The following NKAIN2 variants were observed in gnomAD, a reference collection of about 807,000 sequenced individuals.
The protein encoded by NKAIN2 is sodium/potassium-transporting ATPase subunit beta-1-interacting protein 2.
In NKAIN2, 14 loss-of-function variants were observed where a neutral mutation model predicts 32.6. The observed-to-expected ratio is 0.43, with a 90% CI of 0.28 to 0.67. The LOEUF (loss-of-function observed/expected upper bound fraction) is 0.67. Among genes scored for constraint, NKAIN2 ranks in the 30% least tolerant of loss-of-function variants. The pLI, the probability that NKAIN2 is intolerant of heterozygous loss-of-function variation, is 0.17. For missense variants in NKAIN2, 198 were observed against 258.3 expected, an observed-to-expected ratio of 0.77 and a Z score of 1.60; for synonymous variants, 80 against 87.2, an observed-to-expected ratio of 0.92 and a Z score of 0.46.
At chr6:124,392,462 A>G (rs763333011) in intron 3 of NKAIN2, among the ~76,000 whole-genome samples, 7 of 152,138 alleles carry the variant, frequency 4.6e-5, no homozygotes, top group Non-Finnish European at 8.8e-5. Flanking sequence ...ATCATAAGCA[A>G]AGCAGAGATT....
At chr6:124,517,321 A>C (rs1269214752) in intron 3 of NKAIN2, among the ~76,000 whole-genome samples, 1 of 152,132 alleles carries the variant, frequency 6.6e-6, no homozygotes, top group African/African-American at 2.4e-5. Context: ...AGGGCAGAAG[A>C]ATAGTTTAAT....
At chr6:124,145,986 C>CA (rs887737760) in intron 1 of NKAIN2, among the ~76,000 whole-genome samples, 5 of 151,984 alleles carry the variant, frequency 3.3e-5, no homozygotes, top group African/African-American at 9.7e-5. Context: ...TAATTGTGTG[C>CA]AAATACACAT....
chr6:124,178,177 G>A (rs956748836), intron 1 of NKAIN2, among the ~76,000 whole-genome samples: 2 of 151,972 alleles, frequency 1.3e-5, no homozygotes, highest in African/African-American at 2.4e-5. Context: ...CAAATTTTCT[G>A]GTACTTTTAT....
chr6:123,944,772 G>A (rs1028025601), intron 1 of NKAIN2, among the ~76,000 whole-genome samples: 2 of 151,866 alleles, frequency 1.3e-5, no homozygotes, highest in African/African-American at 4.8e-5. Context: ...TTTTTATTCA[G>A]TAGCAACTTC....
intron 3 of NKAIN2, among the ~76,000 whole-genome samples, chr6:124,544,868 G>A (rs574370104): frequency 7.8e-4 from 119 of 152,144 alleles, no homozygotes; most frequent in Middle Eastern, 3.4e-3. Context: ...GAACTTCCCC[G>A]GAAAATTTTT....
intron 4 of NKAIN2, among the ~76,000 whole-genome samples, chr6:124,710,150 A>T (rs529259752): frequency 6.0e-5 from 9 of 151,244 alleles, no homozygotes; most frequent in East Asian, 5.8e-4. Context: ...TTTGAGTGAG[A>T]TTCTTAATCC....
At chr6:124,613,327 G>A (rs1042922862) in intron 3 of NKAIN2, among the ~76,000 whole-genome samples, 3 of 151,996 alleles carry the variant, frequency 2.0e-5, no homozygotes, top group African/African-American at 7.2e-5. Flanking sequence ...GCTACCTTCC[G>A]ACCATAATCT....
chr6:124,771,433 C>T (rs1304769079), intron 4 of NKAIN2, among the ~76,000 whole-genome samples: 1 of 151,910 alleles, frequency 6.6e-6, no homozygotes, highest in Non-Finnish European at 1.5e-5. Context: ...ATTGAAGCTA[C>T]CTGAAAATAG....
At chr6:124,793,177 G>A (rs2114811727) in intron 5 of NKAIN2, among the ~76,000 whole-genome samples, 1 of 152,176 alleles carries the variant, frequency 6.6e-6, no homozygotes, top group Non-Finnish European at 1.5e-5. Flanking sequence ...GGAAAAAGAG[G>A]AGACTGTTAG....
At chr6:124,437,967 GC>G (rs1775531489) in intron 3 of NKAIN2, 1 of 415,556 alleles carries the variant, frequency 2.4e-6, no homozygotes, top group Non-Finnish European at 4.7e-6. Context: ...TTAACTGGCA[GC>G]TCCTTATATC....
rs141947492 is a variant in NKAIN2, at chr6:124,334,592, C to T, written c.193-20675C>T. Among the ~76,000 whole-genome samples, 74 of 152,228 alleles carry T rather than the reference C, an allele frequency of 4.9e-4. 3 individuals are homozygous for T. The East Asian group carries it at 0.014, about 29-fold the overall frequency. On this transcript the variant is annotated intron_variant, in intron 2 of 6. Transcript: ENST00000368417. ...AGACCAGATAAGCCAGTTTATAGATCTGGGTGGCACCAGCTGATCCAACCA... is the reference window on the plus strand; with the variant it reads ...AGACCAGATAAGCCAGTTTATAGATTTGGGTGGCACCAGCTGATCCAACCA...
At chr6:124,605,754 G>T (rs993199419) in intron 3 of NKAIN2, among the ~76,000 whole-genome samples, 4 of 151,988 alleles carry the variant, frequency 2.6e-5, no homozygotes, top group Admixed American at 2.6e-4. Flanking sequence ...AGGACAGGCT[G>T]CCATGGCTAC....
chr6:123,851,847 G>A lies in NKAIN2; in HGVS notation c.54+47593G>A, dbSNP rs142399151. On this transcript the variant is annotated intron_variant, in intron 1 of 6. Transcript: ENST00000368417. ...TTTGGACATTAATTGATTTTCTGAT[G>A]TATGGCTTGCCAATATTTTATCCCA... 4.6e-3 allele frequency among the ~76,000 whole-genome samples: 703 copies of A among 152,234 alleles called. 4 individuals are homozygous for A. The highest frequency in any genetic ancestry group is 0.014 in the Admixed American group (219 of 15,298).
chr6:124,368,338 C>T (rs923753934), intron 3 of NKAIN2, among the ~76,000 whole-genome samples: 4 of 152,082 alleles, frequency 2.6e-5, no homozygotes, highest in Non-Finnish European at 5.9e-5. Flanking sequence ...TGAATTCTTT[C>T]CCTGCATAAG....
intron 4 of NKAIN2, among the ~76,000 whole-genome samples, chr6:124,735,092 A>T (rs1776872236): frequency 6.6e-6 from 1 of 151,976 alleles, no homozygotes; most frequent in Non-Finnish European, 1.5e-5. Flanking sequence ...AAATTTAAAA[A>T]TGAAGAATTA....
chr6:124,498,084 C>T (rs1352994914), intron 3 of NKAIN2, among the ~76,000 whole-genome samples: 1 of 152,066 alleles, frequency 6.6e-6, no homozygotes, highest in Non-Finnish European at 1.5e-5. Context: ...GTGAGTAATA[C>T]ACCTTCTCAT....
intron 5 of NKAIN2, among the ~76,000 whole-genome samples, chr6:124,795,576 C>T (rs1779960103): frequency 6.6e-6 from 1 of 152,048 alleles, no homozygotes; most frequent in Admixed American, 6.6e-5. Flanking sequence ...GTTTTAGTTC[C>T]TTTGGGGTAC....
intron 4 of NKAIN2, among the ~76,000 whole-genome samples, chr6:124,660,578 T>A (rs1784710511): frequency 6.6e-6 from 1 of 152,216 alleles, no homozygotes; most frequent in Admixed American, 6.5e-5. Context: ...TTGTTTCTCC[T>A]GTCTGCATTC....
chr6:124,546,440 C>T (rs1295445215), intron 3 of NKAIN2, among the ~76,000 whole-genome samples: 1 of 152,008 alleles, frequency 6.6e-6, no homozygotes, highest in Admixed American at 6.6e-5. Context: ...GAACATAAAC[C>T]TCTGGGATTC....
Sources: allele counts gnomAD v4.1 joint callset (sites outside exome capture counted in the v4.1 genomes callset), GRCh38; gene constraint gnomAD v4.1.1; transcripts MANE v1.5; gene names NCBI Gene and HGNC (gene_info 2026-07-23, HGNC 2026-07-21).